The following DLGAP2 variants were observed in gnomAD, a reference collection of about 807,000 sequenced individuals.
DLGAP2 encodes the protein DLG associated protein 2, also known as disks large-associated protein 2.
In DLGAP2, 26 loss-of-function variants were observed where a neutral mutation model predicts 100.3. That is an observed-to-expected ratio of 0.26 (90% CI 0.19 to 0.36). The LOEUF (loss-of-function observed/expected upper bound fraction) is 0.36. Among genes scored for constraint, DLGAP2 ranks in the 10% least tolerant of loss-of-function variants. The pLI, the probability that DLGAP2 is intolerant of heterozygous loss-of-function variation, is 1.00. For synonymous variants in DLGAP2, 886 were observed against 630.1 expected (o/e 1.41, Z -6.08); for missense variants, 1,858 against 1,453.2 (o/e 1.28, Z -4.53).
At chr8:1,177,795 A>G (rs1386783785) in intron 2 of DLGAP2, among the ~76,000 whole-genome samples, 1 of 152,134 alleles carries the variant, frequency 6.6e-6, no homozygotes, top group Non-Finnish European at 1.5e-5. Context: ...CTCACAGGGT[A>G]CAAGGGGTGA....
chr8:826,268 A>G (rs1250862273), intron 1 of DLGAP2, among the ~76,000 whole-genome samples: 2 of 152,180 alleles, frequency 1.3e-5, no homozygotes, highest in Admixed American at 6.5e-5. Flanking sequence ...GCTGTTGTAA[A>G]CAGAGCTGCA....
At chr8:1,060,836 C>G (rs1166445031) in intron 2 of DLGAP2, among the ~76,000 whole-genome samples, 1 of 152,158 alleles carries the variant, frequency 6.6e-6, no homozygotes, top group Non-Finnish European at 1.5e-5. Flanking sequence ...GAGGCCACAG[C>G]CAGGGCAGCC....
At chr8:1,622,378 G>A (rs765318619) in intron 6 of DLGAP2, 1 of 152,234 alleles carries the variant, frequency 6.6e-6, no homozygotes, top group African/African-American at 2.4e-5. Flanking sequence ...CAAGGGAGAT[G>A]GTTTACGTTG....
intron 6 of DLGAP2, among the ~76,000 whole-genome samples, chr8:1,575,523 G>T (rs994804538): frequency 6.0e-5 from 9 of 149,170 alleles, no homozygotes; most frequent in African/African-American, 2.2e-4. Context: ...CAATGTGCAG[G>T]TTTGCTACAT....
intron 5 of DLGAP2, among the ~76,000 whole-genome samples, chr8:1,561,009 T>C (rs941225639): frequency 6.6e-6 from 1 of 152,160 alleles, no homozygotes; most frequent in Non-Finnish European, 1.5e-5. Context: ...ATAATCCTCA[T>C]GTGTCATGAG....
intron 6 of DLGAP2, among the ~76,000 whole-genome samples, chr8:1,566,372 C>G (rs1040034295): frequency 2.6e-5 from 4 of 152,176 alleles, no homozygotes; most frequent in African/African-American, 9.7e-5. Flanking sequence ...ATACCCTACA[C>G]TTTACATATT....
intron 2 of DLGAP2, among the ~76,000 whole-genome samples, chr8:1,198,522 G>C (rs1797802240): frequency 6.6e-6 from 1 of 152,106 alleles, no homozygotes; most frequent in African/African-American, 2.4e-5. Context: ...CAGAGCTCGG[G>C]GGAAGGGGCT....
chr8:1,698,445 C>T (rs956501570), intron 14 of DLGAP2, among the ~76,000 whole-genome samples: 13 of 131,804 alleles, frequency 9.9e-5, no homozygotes, highest in African/African-American at 8.7e-5. Context: ...GGCTGGTCCA[C>T]GTAAGCCATG....
At chr8:1,562,311 TG>T (rs1294338759) in intron 5 of DLGAP2, among the ~76,000 whole-genome samples, 2 of 27,818 alleles carry the variant, frequency 7.2e-5, no homozygotes, top group Non-Finnish European at 1.3e-4. Context: ...TGTGTGGTGT[TG>T]GGGTGTCCGC....
chr8:1,507,534 A>G (rs906130154), intron 4 of DLGAP2, among the ~76,000 whole-genome samples: 4 of 151,840 alleles, frequency 2.6e-5, no homozygotes, highest in African/African-American at 9.7e-5. Context: ...AAGCAGAGGG[A>G]GCCGGCTCCG....
chr8:1,452,972 A>G (rs972861134), intron 3 of DLGAP2, among the ~76,000 whole-genome samples: 1 of 152,196 alleles, frequency 6.6e-6, no homozygotes, highest in Non-Finnish European at 1.5e-5. Context: ...GGCAGGTGTT[A>G]TGGATGGGAA....
intron 1 of DLGAP2, among the ~76,000 whole-genome samples, chr8:786,141 G>T (rs920805932): frequency 6.6e-6 from 1 of 152,194 alleles, no homozygotes; most frequent in African/African-American, 2.4e-5. Flanking sequence ...CTGGGCCGGC[G>T]CAGGGGCAGG....
At chr8:1,444,554 C>A (rs988949735) in intron 3 of DLGAP2, among the ~76,000 whole-genome samples, 3 of 152,044 alleles carry the variant, frequency 2.0e-5, no homozygotes, top group African/African-American at 4.8e-5. Flanking sequence ...TGTGCCTGAT[C>A]CTTCAAAGAG....
chr8:1,558,623 C>T (rs900470308), intron 5 of DLGAP2, among the ~76,000 whole-genome samples: 4 of 150,864 alleles, frequency 2.7e-5, no homozygotes, highest in South Asian at 2.1e-4. Context: ...CACACACATA[C>T]ACATATGTGC....
chr8:920,783 T>C (rs1460225842), intron 2 of DLGAP2, among the ~76,000 whole-genome samples: 1 of 152,082 alleles, frequency 6.6e-6, no homozygotes, highest in Non-Finnish European at 1.5e-5. Flanking sequence ...GAACCCTGTC[T>C]CAAAAGATAT....
intron 2 of DLGAP2, among the ~76,000 whole-genome samples, chr8:925,143 T>C (rs1414213189): frequency 6.6e-6 from 1 of 152,042 alleles, no homozygotes; most frequent in East Asian, 1.9e-4. Flanking sequence ...TGGGTATGAT[T>C]GCTTTTAGAG....
At chr8:1,112,936 C>A (rs1805006217) in intron 2 of DLGAP2, among the ~76,000 whole-genome samples, 1 of 151,850 alleles carries the variant, frequency 6.6e-6, no homozygotes, top group African/African-American at 2.4e-5. Flanking sequence ...AGCCGGTTAT[C>A]CCAGCACCCT....
chr8:1,059,401 C>T (rs558416471), intron 2 of DLGAP2, among the ~76,000 whole-genome samples: 10 of 152,234 alleles, frequency 6.6e-5, no homozygotes, highest in Middle Eastern at 3.4e-3. Flanking sequence ...CTCCTGAGCC[C>T]GAAGGCTTGG....
In DLGAP2 at chr8:1,681,512, G is replaced by A. The variant is rs146926645; in HGVS notation, c.2704+2883G>A. On this transcript the variant is annotated intron_variant, in intron 12 of 14. Coordinates refer to ENST00000637795, the MANE Select transcript of DLGAP2 (RefSeq NM_001346810.2). ...ATAATAATTAACATTTTAAAAAGTA[G>A]CCCGGTGTGGTGGCACATGCCTGTA... Among the ~76,000 whole-genome samples, 225 of 152,028 alleles carry A rather than the reference G, an allele frequency of 1.5e-3. 4 individuals carry two copies. The highest frequency in any genetic ancestry group is 5.0e-3 in the African/African-American group (209 of 41,466).
Sources: allele counts gnomAD v4.1 joint callset (sites outside exome capture counted in the v4.1 genomes callset), GRCh38; gene constraint gnomAD v4.1.1; transcripts MANE v1.5; gene names NCBI Gene and HGNC (gene_info 2026-07-23, HGNC 2026-07-21).